Variants in LIPC observed in about 807,000 individuals in gnomAD.
LIPC encodes lipase C, hepatic type, also known as hepatic triacylglycerol lipase.
LIPC carries 44 observed loss-of-function variants against 50.7 expected under a neutral mutation model. The ratio of observed to expected loss-of-function variants is 0.87; its 90% CI spans 0.68 to 1.11. LIPC has a LOEUF of 1.11. Among genes scored for constraint, LIPC ranks in the 50% most tolerant of loss-of-function variants. LIPC has a pLI of 0.00. For missense variants in LIPC, 697 were observed against 648.2 expected (o/e 1.08, Z -0.82); for synonymous variants, 271 against 256.4 (o/e 1.06, Z -0.54).
intron 1 of LIPC, among the ~76,000 whole-genome samples, chr15:58,450,107 G>A (rs1316681031): frequency 6.6e-6 from 1 of 152,212 alleles, no homozygotes; most frequent in African/African-American, 2.4e-5. Flanking sequence ...TCTGGGGCAA[G>A]AGTCAAGACC....
At chr15:58,439,868 G>A (rs1207182739) in intron 1 of LIPC, among the ~76,000 whole-genome samples, 1 of 152,176 alleles carries the variant, frequency 6.6e-6, no homozygotes, top group African/African-American at 2.4e-5. Context: ...GGGGACCACA[G>A]AGAACCACTA....
chr15:58,436,651 A>G (rs1595843437), intron 1 of LIPC: 1 of 450,698 alleles, frequency 2.2e-6, no homozygotes, highest in East Asian at 7.0e-5. Flanking sequence ...GAGGTATACC[A>G]CTGAGTCACA....
At chr15:58,552,958 G>T (rs978806142) in intron 6 of LIPC, among the ~76,000 whole-genome samples, 3 of 152,224 alleles carry the variant, frequency 2.0e-5, no homozygotes, top group Non-Finnish European at 4.4e-5. Flanking sequence ...TCAGTTCAGT[G>T]TGGAGGAAGG....
intron 8 of LIPC, among the ~76,000 whole-genome samples, chr15:58,567,292 T>C (rs1324395645): frequency 1.7e-5 from 1 of 60,008 alleles, no homozygotes; most frequent in East Asian, 3.1e-4. Flanking sequence ...TATATATATA[T>C]ACATATATAT....
intron 1 of LIPC, among the ~76,000 whole-genome samples, chr15:58,482,971 G>A (rs751719059): frequency 2.6e-5 from 4 of 152,180 alleles, no homozygotes; most frequent in Admixed American, 1.3e-4. Flanking sequence ...GCCTTATAGC[G>A]TCAGTCAGGG....
chr15:58,528,923 C>G (rs1358339626), intron 1 of LIPC, among the ~76,000 whole-genome samples: 1 of 152,196 alleles, frequency 6.6e-6, no homozygotes, highest in African/African-American at 2.4e-5. Context: ...CCTGCCAGGG[C>G]ACCCAGGATC....
At chr15:58,547,674 C>T (rs895612238) in intron 5 of LIPC, among the ~76,000 whole-genome samples, 1 of 77,228 alleles carries the variant, frequency 1.3e-5, no homozygotes, top group Non-Finnish European at 3.3e-5. Flanking sequence ...AGATCAACCT[C>T]ATAAGCTTGT....
intron 1 of LIPC, chr15:58,435,917 AAG>A (rs1249637795): frequency 6.6e-6 from 1 of 152,208 alleles, no homozygotes; most frequent in Non-Finnish European, 1.5e-5. Context: ...TCCCAAAAGA[AAG>A]AGTATCAGCG....
intron 6 of LIPC, among the ~76,000 whole-genome samples, chr15:58,555,899 G>T (rs977986148): frequency 2.6e-5 from 4 of 152,158 alleles, no homozygotes; most frequent in African/African-American, 9.7e-5. Context: ...TCTCTTCTCC[G>T]CCCTGATCTC....
At chr15:58,437,247 T>TGC (rs565916636) in intron 1 of LIPC, among the ~76,000 whole-genome samples, 2 of 152,280 alleles carry the variant, frequency 1.3e-5, no homozygotes, top group East Asian at 3.9e-4. Context: ...TGTGTGTGTG[T>TGC]GCATTTTGAG....
chr15:58,487,763 T>C (rs1181564891), intron 1 of LIPC, among the ~76,000 whole-genome samples: 1 of 152,158 alleles, frequency 6.6e-6, no homozygotes, highest in African/African-American at 2.4e-5. Flanking sequence ...ACATTAAAGC[T>C]CATCACAGCA....
At chr15:58,495,095 G>T (rs188227691) in intron 1 of LIPC, among the ~76,000 whole-genome samples, 1 of 152,230 alleles carries the variant, frequency 6.6e-6, no homozygotes, top group African/African-American at 2.4e-5. Context: ...TCTCACCAGG[G>T]AATCTCTCTT....
chr15:58,568,593 T>C (rs1894461513), intron 8 of LIPC, 123 bp from the exon 9 acceptor site: 1 of 685,288 alleles, frequency 1.5e-6, no homozygotes, highest in Non-Finnish European at 2.6e-6. Flanking sequence ...AACATAAGAA[T>C]CTAACTTAAA....
rs773793314 is a variant in LIPC, at chr15:58,568,696, G to T, written c.1389-20G>T. ...CCACCTAAAACTTAATGCTGTGTTT[G>T]CTTCCTGTTTTCTATTCAGAATGAC... On this transcript the variant is annotated intron_variant, in intron 8 of 8. Transcript: ENST00000299022. The T allele has an allele frequency of 1.0e-5, 14 of 1,395,846 alleles. No individual in the cohort carries two copies. In the East Asian group the frequency reaches 3.0e-4, roughly 30 times the overall value. 86.5% of individuals were successfully genotyped at this position (1,395,846 alleles called of 1,614,324 possible).
At position 58,563,655 on chromosome 15, in the gene LIPC, C is replaced by G; in HGVS notation, c.1320C>G (p.Ser440Arg). ...CGGTCCAGACCATCATCCCATGGAG[C>G]ACAGGGCCGCGCCACTCAGGCCTCG... ...WDTVQTIIPW[S>R]TGPRHSGLVL... The change falls in exon 8 of 9, where the codon AGC becomes AGG. Residue 440 changes from serine (S) to arginine (R), a missense_variant. Coordinates refer to ENST00000299022, the MANE Select transcript of LIPC (RefSeq NM_000236.3). 12 of 1,614,126 alleles carry G rather than the reference C, an allele frequency of 7.4e-6. No individual in the cohort carries two copies. Among genetic ancestry groups the G allele is most frequent in the Non-Finnish European group, 1.0e-5 (12 of 1,180,046 alleles).
chr15:58,471,768 T>C (rs895204262), intron 1 of LIPC, among the ~76,000 whole-genome samples: 1 of 152,210 alleles, frequency 6.6e-6, no homozygotes, highest in Admixed American at 6.5e-5. Flanking sequence ...TAGAGAGGCT[T>C]AGAAAGGGCA....
chr15:58,460,923 G>T (rs1335928249), intron 1 of LIPC, among the ~76,000 whole-genome samples: 1 of 152,208 alleles, frequency 6.6e-6, no homozygotes, highest in African/African-American at 2.4e-5. Context: ...CTGAGAGAAA[G>T]TACCAGTGGT....
At chr15:58,496,245 T>C (rs1891759979) in intron 1 of LIPC, among the ~76,000 whole-genome samples, 1 of 152,138 alleles carries the variant, frequency 6.6e-6, no homozygotes, top group Non-Finnish European at 1.5e-5. Flanking sequence ...AGGGGTGCTG[T>C]TAAACATCCT....
At chr15:58,491,283 G>A (rs1339287869) in intron 1 of LIPC, among the ~76,000 whole-genome samples, 2 of 152,130 alleles carry the variant, frequency 1.3e-5, no homozygotes, top group South Asian at 2.1e-4. Flanking sequence ...GCCATAGAGT[G>A]GTCAGAGCAT....
Sources: gnomAD v4.1 joint callset for allele counts (sites outside exome capture counted in the v4.1 genomes callset) on GRCh38, gnomAD v4.1.1 for gene constraint, MANE v1.5 for transcripts, NCBI Gene and HGNC (gene_info 2026-07-23, HGNC 2026-07-21) for gene names.